The following AGBL4 variants were observed in gnomAD, a reference collection of about 807,000 sequenced individuals.
The protein encoded by AGBL4 is cytosolic carboxypeptidase 6.
Under a neutral mutation model 66.4 loss-of-function variants are expected in AGBL4, and 58 were observed. The ratio of observed to expected loss-of-function variants is 0.87; its 90% CI spans 0.71 to 1.09. AGBL4 has a LOEUF of 1.09. Among genes scored for constraint, AGBL4 ranks in the 50% least tolerant of loss-of-function variants. The probability of loss-of-function intolerance (pLI) is 0.00; values close to 1 mark genes in which losing one functional copy is unlikely to be tolerated. For synonymous variants in AGBL4, 234 were observed against 222.9 expected, an observed-to-expected ratio of 1.05 and a Z score of -0.44; for missense variants, 579 against 631.0, an observed-to-expected ratio of 0.92 and a Z score of 0.88.
At chr1:49,655,098 C>T (rs1646096069) in intron 3 of AGBL4, among the ~76,000 whole-genome samples, 1 of 152,150 alleles carries the variant, frequency 6.6e-6, no homozygotes, top group African/African-American at 2.4e-5. Context: ...ATGTTTAGTG[C>T]TTCCTTCAGA....
At chr1:48,749,506 C>T (rs1872280) in intron 6 of AGBL4, among the ~76,000 whole-genome samples, 150,506 of 152,304 alleles carry the variant, frequency 0.99, 74,381 homozygotes, top group East Asian at 1. Context: ...AGTGCTCAAA[C>T]TCAGGGTTGT....
chr1:49,733,804 ACCAAAG>A lies in AGBL4; in HGVS notation c.158-36373_158-36368del, dbSNP rs372607603. Among the ~76,000 whole-genome samples, 947 of 152,326 alleles carry A rather than the reference ACCAAAG, an allele frequency of 6.2e-3. 12 individuals are homozygous for A. The highest frequency in any genetic ancestry group is 0.022 in the African/African-American group (910 of 41,590). On this transcript the variant is annotated intron_variant, in intron 2 of 13. Transcript: ENST00000371839. ...AAAGATTTCACCTTTTTACTCTACA[ACCAAAG>A]CCAGGCAATGGCCCCACAAGAAAAC...
At chr1:49,603,963 C>T (rs1394372966) in intron 3 of AGBL4, among the ~76,000 whole-genome samples, 1 of 151,314 alleles carries the variant, frequency 6.6e-6, no homozygotes, top group Non-Finnish European at 1.5e-5. Context: ...CACACACACA[C>T]ACACACACAC....
chr1:49,294,218 T>C (rs6667954), intron 3 of AGBL4, among the ~76,000 whole-genome samples: 2,315 of 152,330 alleles, frequency 0.015, 56 homozygotes, highest in African/African-American at 0.051. Context: ...TAACTCCCAA[T>C]GTTATAGGGA....
intron 3 of AGBL4, among the ~76,000 whole-genome samples, chr1:49,379,069 T>C (rs901769172): frequency 2.6e-5 from 4 of 151,962 alleles, no homozygotes; most frequent in Admixed American, 6.6e-5. Context: ...ACTAGACAAA[T>C]GCGAAATTTG....
chr1:49,057,325 G>T (rs1367815873), intron 4 of AGBL4, among the ~76,000 whole-genome samples: 1 of 152,130 alleles, frequency 6.6e-6, no homozygotes, highest in Admixed American at 6.5e-5. Flanking sequence ...GGCTGAGGTG[G>T]GATAACCACC....
intron 2 of AGBL4, among the ~76,000 whole-genome samples, chr1:49,849,412 T>TTAC (rs1326246799): frequency 8.0e-6 from 1 of 124,604 alleles, no homozygotes; most frequent in African/African-American, 2.5e-5. Flanking sequence ...ATTATTATTA[T>TTAC]TATTATTATT....
At chr1:49,168,192 T>C (rs1391434961) in intron 4 of AGBL4, among the ~76,000 whole-genome samples, 2 of 152,190 alleles carry the variant, frequency 1.3e-5, no homozygotes, top group Non-Finnish European at 2.9e-5. Context: ...TTCTAGATTT[T>C]ACCATTATGA....
chr1:49,967,877 G>T (rs1657702192), intron 1 of AGBL4, among the ~76,000 whole-genome samples: 1 of 151,882 alleles, frequency 6.6e-6, no homozygotes, highest in South Asian at 2.1e-4. Context: ...GTAATTGCTA[G>T]GTATAGACTT....
At chr1:48,868,904 T>C (rs1236360187) in intron 5 of AGBL4, among the ~76,000 whole-genome samples, 1 of 152,176 alleles carries the variant, frequency 6.6e-6, no homozygotes, top group South Asian at 2.1e-4. Context: ...CTTCAGTCCA[T>C]GACAATAGTT....
intron 5 of AGBL4, among the ~76,000 whole-genome samples, chr1:48,943,820 T>C (rs532038269): frequency 2.6e-5 from 4 of 152,246 alleles, no homozygotes; most frequent in Admixed American, 6.5e-5. Context: ...CCTGTGTTGA[T>C]GGTGGCAGTG....
intron 2 of AGBL4, chr1:49,844,929 T>G: frequency 7.3e-7 from 1 of 1,364,620 alleles, no homozygotes; most frequent in South Asian, 1.2e-5. Flanking sequence ...GGAATGGGTT[T>G]GGGGAAAACA....
chr1:49,550,483 T>C (rs997087687), intron 3 of AGBL4, among the ~76,000 whole-genome samples: 2 of 152,228 alleles, frequency 1.3e-5, no homozygotes, highest in African/African-American at 4.8e-5. Flanking sequence ...GCAGTTCTTG[T>C]AGTGGTGGCT....
At position 49,222,570 on chromosome 1, in the gene AGBL4, G is replaced by C. The variant is rs2148279951; in HGVS notation, c.377+23200C>G. 2.0e-5 allele frequency among the ~76,000 whole-genome samples: 3 copies of C among 152,292 alleles called. 1 individual carries two copies. The Middle Eastern group carries it at 0.01, about 518-fold the overall frequency. On this transcript the variant is annotated intron_variant, in intron 4 of 13. Coordinates refer to ENST00000371839, the MANE Select transcript of AGBL4 (RefSeq NM_032785.4). ...TGCCATGGCCAGTGATATCAGTGAA[G>C]TTCCTAAGAGGAAATACATGAACAT...
chr1:48,640,437 C>T (rs1368889261), intron 8 of AGBL4, among the ~76,000 whole-genome samples: 1 of 152,146 alleles, frequency 6.6e-6, no homozygotes, highest in Admixed American at 6.5e-5. Flanking sequence ...TTAACAAAAG[C>T]ATGGATGAAT....
intron 6 of AGBL4, among the ~76,000 whole-genome samples, chr1:48,674,036 T>C (rs1250835): frequency 0.61 from 93,421 of 151,922 alleles, 29,190 homozygotes; most frequent in African/African-American, 0.69. Context: ...ACCCAGGCGG[T>C]ACTCCCTAGC....
At chr1:49,622,073 A>T (rs1297330205) in intron 3 of AGBL4, among the ~76,000 whole-genome samples, 1 of 152,136 alleles carries the variant, frequency 6.6e-6, no homozygotes, top group East Asian at 1.9e-4. Flanking sequence ...GATTTATTTT[A>T]CTTACTATGT....
At chr1:49,333,939 C>G (rs570240069) in intron 3 of AGBL4, among the ~76,000 whole-genome samples, 24 of 152,304 alleles carry the variant, frequency 1.6e-4, no homozygotes, top group African/African-American at 4.8e-4. Flanking sequence ...CCACAGGCTT[C>G]CCAAACTAAG....
chr1:48,612,559 G>T (rs546378588), intron 9 of AGBL4, among the ~76,000 whole-genome samples: 4 of 152,306 alleles, frequency 2.6e-5, no homozygotes, highest in African/African-American at 9.6e-5. Context: ...TCAGTACAAA[G>T]ATCAAAGTTA....
Sources: allele counts gnomAD v4.1 joint callset (sites outside exome capture counted in the v4.1 genomes callset), GRCh38; gene constraint gnomAD v4.1.1; transcripts MANE v1.5; gene names NCBI Gene and HGNC (gene_info 2026-07-23, HGNC 2026-07-21).